SHISA9: variants seen among roughly 807,000 people sequenced by gnomAD.
SHISA9 encodes shisa family member 9, also known as protein shisa-9.
In SHISA9, 13 loss-of-function variants were observed where a neutral mutation model predicts 38.0. The ratio of observed to expected loss-of-function variants is 0.34; its 90% confidence interval spans 0.22 to 0.54. The LOEUF is 0.54. Ranked by LOEUF, SHISA9 falls within the 20% of genes least tolerant of loss-of-function variation. The probability of loss-of-function intolerance (pLI) is 0.91; values close to 1 mark genes in which losing one functional copy is unlikely to be tolerated. For missense variants in SHISA9, 538 were observed against 575.8 expected (o/e 0.93, Z 0.67); for synonymous variants, 275 against 242.0 (o/e 1.14, Z -1.27).
intron 2 of SHISA9, among the ~76,000 whole-genome samples, chr16:12,925,473 G>GTGTGTGTGTGTGTGTGTA (rs113968316): frequency 0.046 from 6,936 of 150,528 alleles, 206 homozygotes; most frequent in Non-Finnish European, 0.061. Flanking sequence ...GTGTGTGTGT[G>GTGTGTGTGTGTGTGTGTA]CAAGCAACAG....
the SHISA9 span, among the ~76,000 whole-genome samples, chr16:13,535,628 T>C: frequency 5.3e-5 from 8 of 152,374 alleles, no homozygotes; most frequent in East Asian, 1.5e-3. Flanking sequence ...TCTTACTGTT[T>C]GGCTCCTTGC....
chr16:13,554,516 CTT>C, the SHISA9 span, among the ~76,000 whole-genome samples: 50 of 132,058 alleles, frequency 3.8e-4, no homozygotes, highest in Non-Finnish European at 4.2e-4. Context: ...TCTTCTCTTT[CTT>C]TTTTTTTTTT....
intron 2 of SHISA9, among the ~76,000 whole-genome samples, chr16:13,201,803 C>T (rs1402448788): frequency 8.1e-6 from 1 of 123,920 alleles, no homozygotes; most frequent in East Asian, 2.1e-4. Flanking sequence ...AGCATATTGA[C>T]CCCAGGGCAG....
chr16:13,380,282 A>T, the SHISA9 span, among the ~76,000 whole-genome samples: 2 of 152,214 alleles, frequency 1.3e-5, no homozygotes, highest in African/African-American at 4.8e-5. Flanking sequence ...CCCAGTGCTG[A>T]GAACAAAAAA....
At chr16:13,254,787 A>T in the SHISA9 span, among the ~76,000 whole-genome samples, 1 of 152,192 alleles carries the variant, frequency 6.6e-6, no homozygotes, top group Non-Finnish European at 1.5e-5. Context: ...AAAGCACTGG[A>T]CTTCAACAAA....
chr16:13,248,264 T>G, the SHISA9 span, among the ~76,000 whole-genome samples: 6 of 152,076 alleles, frequency 3.9e-5, no homozygotes, highest in African/African-American at 1.5e-4. Flanking sequence ...AAAACCTCAT[T>G]TTGTAATTCA....
At chr16:12,993,411 C>A (rs1338300368) in intron 2 of SHISA9, among the ~76,000 whole-genome samples, 1 of 152,156 alleles carries the variant, frequency 6.6e-6, no homozygotes, top group Non-Finnish European at 1.5e-5. Flanking sequence ...TCGGTTTTTC[C>A]TAGTGGCGTG....
chr16:12,971,931 A>G (rs1365687854), intron 2 of SHISA9, among the ~76,000 whole-genome samples: 10 of 152,030 alleles, frequency 6.6e-5, no homozygotes, highest in Non-Finnish European at 1.5e-5. Flanking sequence ...ATTGTAGTCT[A>G]ATTAGTCCAC....
chr16:13,300,825 T>TC, the SHISA9 span, among the ~76,000 whole-genome samples: 9 of 134,840 alleles, frequency 6.7e-5, no homozygotes, highest in Non-Finnish European at 1.1e-4. Flanking sequence ...TGATAAAATC[T>TC]CCCCCCTCCC....
At chr16:13,023,887 G>A (rs1050481553) in intron 2 of SHISA9, among the ~76,000 whole-genome samples, 1 of 152,164 alleles carries the variant, frequency 6.6e-6, no homozygotes, top group Non-Finnish European at 1.5e-5. Context: ...CTTTCAGAGG[G>A]ACATTATTCA....
intron 2 of SHISA9, among the ~76,000 whole-genome samples, chr16:13,038,384 C>T (rs1343231280): frequency 2.0e-5 from 3 of 152,188 alleles, no homozygotes; most frequent in African/African-American, 7.2e-5. Context: ...TACTGTGGCC[C>T]ACAAGGTCCT....
chr16:13,356,086 G>A, the SHISA9 span, among the ~76,000 whole-genome samples: 55 of 152,334 alleles, frequency 3.6e-4, no homozygotes, highest in African/African-American at 1.2e-3. Flanking sequence ...CGGTTCAGGC[G>A]TTTGGAAGTT....
intron 2 of SHISA9, among the ~76,000 whole-genome samples, chr16:13,110,906 T>A (rs2073971923): frequency 6.6e-6 from 1 of 152,162 alleles, no homozygotes; most frequent in Non-Finnish European, 1.5e-5. Context: ...TATTAAAAAA[T>A]ATTTAGTACG....
intron 2 of SHISA9, among the ~76,000 whole-genome samples, chr16:13,142,989 C>CTTTTATTTTATTTTTATTTTA (rs2050414535): frequency 7.1e-6 from 1 of 141,270 alleles, no homozygotes; most frequent in African/African-American, 2.7e-5. Context: ...TAGCTGTTTC[C>CTTTTATTTTATTTTTATTTTA]TTTTATTTTA....
chr16:13,319,659 G>T, the SHISA9 span, among the ~76,000 whole-genome samples: 1 of 152,038 alleles, frequency 6.6e-6, no homozygotes, highest in Admixed American at 6.5e-5. Flanking sequence ...CTCAGAATCT[G>T]ATGTAATCCC....
chr16:13,347,979 A>T, the SHISA9 span, among the ~76,000 whole-genome samples: 1 of 152,206 alleles, frequency 6.6e-6, no homozygotes, highest in African/African-American at 2.4e-5. Context: ...ATCCTGGATA[A>T]GCCACCTGGG....
intron 2 of SHISA9, among the ~76,000 whole-genome samples, chr16:13,041,052 TGG>T (rs2073126678): frequency 6.6e-6 from 1 of 152,164 alleles, no homozygotes; most frequent in Non-Finnish European, 1.5e-5. Flanking sequence ...ACTGTGTCGT[TGG>T]GGGCTGAGCC....
chr16:13,226,304 A>C (rs1175950441), intron 4 of SHISA9, among the ~76,000 whole-genome samples: 1 of 152,220 alleles, frequency 6.6e-6, no homozygotes, highest in African/African-American at 2.4e-5. Context: ...ATAATCTTGA[A>C]AATATCTCTT....
chr16:13,500,758 A>G, the SHISA9 span, among the ~76,000 whole-genome samples: 2 of 152,214 alleles, frequency 1.3e-5, no homozygotes, highest in Non-Finnish European at 2.9e-5. Flanking sequence ...TTCTTTGGCC[A>G]TAAATCATAG....
Sources: allele counts gnomAD v4.1 joint callset (sites outside exome capture counted in the v4.1 genomes callset), GRCh38; gene constraint gnomAD v4.1.1; transcripts MANE v1.5; gene names NCBI Gene and HGNC (gene_info 2026-07-23, HGNC 2026-07-21).